The following HSF5 variants were observed in gnomAD, a reference collection of about 807,000 sequenced individuals.
The protein encoded by HSF5 is heat shock transcription factor 5.
A neutral mutation model predicts 50.8 loss-of-function variants in HSF5; 5 were observed. That is an observed-to-expected ratio of 0.10 (90% CI 0.05 to 0.21). The LOEUF (loss-of-function observed/expected upper bound fraction) is 0.21, where lower values mean the gene tolerates loss of function less well. Among genes scored for constraint, HSF5 ranks in the 10% least tolerant of loss-of-function variants. The pLI, the probability that HSF5 is intolerant of heterozygous loss-of-function variation, is 1.00. For synonymous variants in HSF5, 307 were observed against 307.4 expected (o/e 1.00, Z 0.02); for missense variants, 564 against 762.6 (o/e 0.74, Z 3.07).
chr17:58,480,950 G>A (rs1481864269), intron 1 of HSF5, among the ~76,000 whole-genome samples: 2 of 152,044 alleles, frequency 1.3e-5, no homozygotes, highest in African/African-American at 4.8e-5. Context: ...ACCAAGCACT[G>A]TTTATTTTAC....
At chr17:58,478,706 A>G (rs1975057506) in intron 2 of HSF5, among the ~76,000 whole-genome samples, 1 of 151,172 alleles carries the variant, frequency 6.6e-6, no homozygotes, top group South Asian at 2.1e-4. Flanking sequence ...TACTAAAAAT[A>G]CAAAAAATTA....
At chr17:58,466,416 T>C (rs1239590698) in intron 3 of HSF5, among the ~76,000 whole-genome samples, 1 of 152,226 alleles carries the variant, frequency 6.6e-6, no homozygotes, top group Non-Finnish European at 1.5e-5. Flanking sequence ...AGAACAGCAC[T>C]GTTTAAAATA....
At chr17:58,473,715 C>T (rs1280605783) in intron 2 of HSF5, among the ~76,000 whole-genome samples, 4 of 152,030 alleles carry the variant, frequency 2.6e-5, no homozygotes, top group Non-Finnish European at 5.9e-5. Flanking sequence ...AAAATGATTC[C>T]AATGAGTCAT....
At chr17:58,434,303 C>G (rs1050653880) in intron 5 of HSF5, among the ~76,000 whole-genome samples, 4 of 152,012 alleles carry the variant, frequency 2.6e-5, no homozygotes, top group Non-Finnish European at 5.9e-5. Context: ...TTAGGCCGGG[C>G]GTAGTGGCTC....
At chr17:58,433,762 T>C (rs1485551977) in intron 5 of HSF5, among the ~76,000 whole-genome samples, 2 of 152,100 alleles carry the variant, frequency 1.3e-5, no homozygotes, top group African/African-American at 4.8e-5. Context: ...ATTGGAAACC[T>C]TGACAAATGA....
intron 4 of HSF5, among the ~76,000 whole-genome samples, chr17:58,462,414 C>A (rs965143589): frequency 3.9e-5 from 6 of 152,146 alleles, no homozygotes; most frequent in Non-Finnish European, 8.8e-5. Context: ...GTCAAATAAA[C>A]CATCCCTCCT....
chr17:58,469,479 T>G (rs1011740106), intron 2 of HSF5, among the ~76,000 whole-genome samples: 1 of 152,202 alleles, frequency 6.6e-6, no homozygotes, highest in Non-Finnish European at 1.5e-5. Flanking sequence ...AGTACCTGTA[T>G]GAAGAAAATG....
intron 4 of HSF5, 96 bp from the exon 5 acceptor site, chr17:58,459,041 A>T (rs1181758970): frequency 9.3e-7 from 1 of 1,079,400 alleles, no homozygotes; most frequent in Non-Finnish European, 1.4e-6. Flanking sequence ...TGGGAACATG[A>T]TCCAACAAAC....
Position 58,487,611 on chromosome 17 carries a change from C to A in HSF5, c.550+114G>T, listed in dbSNP as rs558293095. ...AGCACAGCGGCCAATGGGTCCCCGG[C>A]GCCTTTCCGACGCCCATAGCGTGAG... On this transcript the variant is annotated intron_variant, in intron 1 of 5. Coordinates refer to ENST00000323777, the MANE Select transcript of HSF5 (RefSeq NM_001080439.3). 3.9e-6 allele frequency: 5 copies of A among 1,288,694 alleles called. 1 individual carries two copies. The South Asian group carries it at 1.1e-4, about 29-fold the overall frequency. The allele number at this position is 1,288,694 out of a possible 1,614,324, so 79.8% of individuals were successfully genotyped here. A position where few individuals can be genotyped will look rare whatever the true frequency, so the allele number is the denominator to read the frequency against.
intron 4 of HSF5, among the ~76,000 whole-genome samples, chr17:58,459,280 T>C (rs1974758011): frequency 1.3e-5 from 2 of 152,018 alleles, no homozygotes; most frequent in Non-Finnish European, 2.9e-5. Flanking sequence ...CATAGCTCAC[T>C]GTAACCTCGA....
chr17:58,484,081 G>C (rs1975134949), intron 1 of HSF5, among the ~76,000 whole-genome samples: 1 of 151,864 alleles, frequency 6.6e-6, no homozygotes. Flanking sequence ...TAATATTCTT[G>C]AACTTAAAGC....
intron 2 of HSF5, among the ~76,000 whole-genome samples, chr17:58,477,515 A>G (rs1351554854): frequency 6.8e-6 from 1 of 147,376 alleles, no homozygotes; most frequent in African/African-American, 2.5e-5. Flanking sequence ...GCTGGAGTGC[A>G]GTGGCGCGAT....
chr17:58,457,666 TC>T (rs1974732249), intron 5 of HSF5, among the ~76,000 whole-genome samples: 1 of 152,192 alleles, frequency 6.6e-6, no homozygotes, highest in African/African-American at 2.4e-5. Context: ...AGCCTAAATT[TC>T]CTGATGTTTA....
At chr17:58,478,864 C>T (rs1196230648) in intron 2 of HSF5, among the ~76,000 whole-genome samples, 2 of 95,428 alleles carry the variant, frequency 2.1e-5, no homozygotes, top group Non-Finnish European at 4.4e-5. Context: ...ACTCCATCTC[C>T]AAAAAAAAAA....
chr17:58,425,738 G>C (rs750394108), intron 5 of HSF5, among the ~76,000 whole-genome samples: 5 of 152,018 alleles, frequency 3.3e-5, no homozygotes, highest in Non-Finnish European at 1.5e-5. Context: ...TAAATGCATT[G>C]TGTCAAGGTC....
chr17:58,465,654 A>G (rs1974855878), intron 3 of HSF5, among the ~76,000 whole-genome samples: 1 of 151,660 alleles, frequency 6.6e-6, no homozygotes, highest in Non-Finnish European at 1.5e-5. Context: ...TGTTCTTTTG[A>G]GTACCCTAAT....
intron 5 of HSF5, among the ~76,000 whole-genome samples, chr17:58,429,150 C>A (rs1974332966): frequency 6.6e-6 from 1 of 152,176 alleles, no homozygotes; most frequent in South Asian, 2.1e-4. Context: ...ACAAATGTCA[C>A]ACACATATTG....
At chr17:58,433,168 C>T (rs895007791) in intron 5 of HSF5, among the ~76,000 whole-genome samples, 1 of 152,186 alleles carries the variant, frequency 6.6e-6, no homozygotes, top group Non-Finnish European at 1.5e-5. Context: ...CACCTGCCAC[C>T]AAGCATGTTT....
At chr17:58,485,738 C>A (rs1975161414) in intron 1 of HSF5, among the ~76,000 whole-genome samples, 2 of 137,244 alleles carry the variant, frequency 1.5e-5, no homozygotes. Flanking sequence ...CAGAGTGAAA[C>A]CCTATCTCAA....
Sources: allele counts gnomAD v4.1 joint callset (sites outside exome capture counted in the v4.1 genomes callset), GRCh38; gene constraint gnomAD v4.1.1; transcripts MANE v1.5; gene names NCBI Gene and HGNC (gene_info 2026-07-23, HGNC 2026-07-21).